PICALM: variants seen among roughly 807,000 people sequenced by gnomAD.
PICALM encodes phosphatidylinositol binding clathrin assembly protein, also known as phosphatidylinositol-binding clathrin assembly protein.
PICALM carries 40 observed loss-of-function variants against 80.5 expected under a neutral mutation model. That is an observed-to-expected ratio of 0.50 (90% CI 0.39 to 0.65). The LOEUF is 0.65. Among genes scored for constraint, PICALM ranks in the 30% least tolerant of loss-of-function variants. The pLI, the probability that PICALM is intolerant of heterozygous loss-of-function variation, is 0.00. For synonymous variants in PICALM, 288 were observed against 260.3 expected, an observed-to-expected ratio of 1.11 and a Z score of -1.02; for missense variants, 676 against 778.9, an observed-to-expected ratio of 0.87 and a Z score of 1.57.
chr11:86,017,648 C>T (rs1713382149), intron 4 of PICALM, among the ~76,000 whole-genome samples: 1 of 152,154 alleles, frequency 6.6e-6, no homozygotes, highest in South Asian at 2.1e-4. Flanking sequence ...AGTTTTGCCA[C>T]AGCATACTAG....
At chr11:85,983,102 T>C (rs772358787) in intron 14 of PICALM, among the ~76,000 whole-genome samples, 1 of 152,190 alleles carries the variant, frequency 6.6e-6, no homozygotes, top group Non-Finnish European at 1.5e-5. Flanking sequence ...TCCATACATA[T>C]TCTTTATAGG....
chr11:85,991,595 T>C (rs1320221361), intron 12 of PICALM, among the ~76,000 whole-genome samples: 3 of 151,678 alleles, frequency 2.0e-5, no homozygotes, highest in Admixed American at 6.6e-5. Flanking sequence ...AAACAACACA[T>C]CTTTTAAATA....
At chr11:85,988,287 T>A (rs1239769006) in intron 13 of PICALM, among the ~76,000 whole-genome samples, 1 of 152,138 alleles carries the variant, frequency 6.6e-6, no homozygotes, top group African/African-American at 2.4e-5. Flanking sequence ...TGGAGTAAAG[T>A]AAGAAGATGA....
chr11:85,986,669 C>T (rs868590347), intron 13 of PICALM, among the ~76,000 whole-genome samples: 1 of 152,094 alleles, frequency 6.6e-6, no homozygotes, highest in Non-Finnish European at 1.5e-5. Flanking sequence ...GGATTACAGG[C>T]GTGAGCCACC....
intron 1 of PICALM, among the ~76,000 whole-genome samples, chr11:86,047,149 C>A (rs2096086602): frequency 6.6e-6 from 1 of 152,168 alleles, no homozygotes; most frequent in South Asian, 2.1e-4. Flanking sequence ...GACACACATC[C>A]ACAACACACA....
intron 19 of PICALM, among the ~76,000 whole-genome samples, chr11:85,968,767 A>G (rs993160427): frequency 4.6e-5 from 7 of 152,162 alleles, no homozygotes; most frequent in African/African-American, 1.4e-4. Context: ...CACAGAAGAG[A>G]AACAAAAGGA....
At chr11:86,020,068 G>A (rs2095539631) in intron 4 of PICALM, among the ~76,000 whole-genome samples, 1 of 152,122 alleles carries the variant, frequency 6.6e-6, no homozygotes, top group South Asian at 2.1e-4. Flanking sequence ...CATATCAGGT[G>A]TTATCACTTA....
intron 19 of PICALM, among the ~76,000 whole-genome samples, chr11:85,971,610 C>G (rs1035766340): frequency 9.9e-5 from 15 of 151,994 alleles, no homozygotes; most frequent in Non-Finnish European, 1.5e-5. Context: ...GTGGCATACA[C>G]CAGTAATCTC....
intron 17 of PICALM, chr11:85,978,128 A>G (rs375351370): frequency 1.4e-4 from 218 of 1,572,682 alleles, no homozygotes; most frequent in South Asian, 1.9e-4. Flanking sequence ...ACATAATGCA[A>G]TAACACTGGA....
At chr11:85,991,257 A>G (rs1017962153) in intron 12 of PICALM, among the ~76,000 whole-genome samples, 1 of 152,166 alleles carries the variant, frequency 6.6e-6, no homozygotes, top group African/African-American at 2.4e-5. Context: ...AAAATAGTAT[A>G]ATTTTTTCTT....
upstream of PICALM, chr11:86,069,552 G>T (rs1211230542): frequency 1.3e-5 from 2 of 152,332 alleles, no homozygotes; most frequent in African/African-American, 4.8e-5. Context: ...GGGGTATTAG[G>T]CCTCTGGCTC....
intron 4 of PICALM, among the ~76,000 whole-genome samples, chr11:86,016,987 T>C (rs1996108): frequency 0.81 from 123,776 of 152,144 alleles, 50,536 homozygotes; most frequent in African/African-American, 0.88. Context: ...TTTGGGAGGC[T>C]GAGGGGCGAG....
chr11:86,032,123 G>A (rs2095761730), intron 1 of PICALM, among the ~76,000 whole-genome samples: 1 of 152,164 alleles, frequency 6.6e-6, no homozygotes. Context: ...ACAGGGCAGA[G>A]ATCTGGTCTG....
chr11:86,035,163 A>G (rs936527252), intron 1 of PICALM, among the ~76,000 whole-genome samples: 1 of 152,140 alleles, frequency 6.6e-6, no homozygotes, highest in Admixed American at 6.5e-5. Flanking sequence ...ATTTAGAACT[A>G]AGCAGTTACC....
At chr11:85,978,054 G>A (rs774398467) in intron 17 of PICALM, 13 of 1,609,178 alleles carry the variant, frequency 8.1e-6, no homozygotes, top group South Asian at 3.3e-5. Flanking sequence ...AAAAAGGCTC[G>A]TTTTTGGTCA....
chr11:85,961,479 T>C (rs2508690), intron 19 of PICALM, among the ~76,000 whole-genome samples: 65,496 of 152,038 alleles, frequency 0.43, 14,304 homozygotes, highest in East Asian at 0.6. Context: ...ATCTGTCCTA[T>C]TGTTTAATTC....
intron 1 of PICALM, among the ~76,000 whole-genome samples, chr11:86,046,435 A>G (rs2096072796): frequency 6.6e-6 from 1 of 152,360 alleles, no homozygotes; most frequent in South Asian, 2.1e-4. Flanking sequence ...GTAAGGTGAT[A>G]TATTTAGGGT....
intron 4 of PICALM, among the ~76,000 whole-genome samples, chr11:86,016,724 T>G (rs2095486089): frequency 6.6e-6 from 1 of 152,176 alleles, no homozygotes; most frequent in Admixed American, 6.6e-5. Context: ...AAATGAATAC[T>G]CAACATTGCC....
At position 86,026,353 on chromosome 11, in the gene PICALM, A is replaced by G. The variant is rs1191150065; in HGVS notation, c.288T>C (p.Tyr96=). 4 of 1,601,912 alleles carry G rather than the reference A, an allele frequency of 2.5e-6. No individual in the cohort carries two copies. The East Asian group carries it at 8.9e-5, about 36-fold the overall frequency. The part of the protein sequence containing the change: ...MVYGNERFIQ[Y]LASRNTLFNL... ...TAAACAACGTGTTTCTTGAAGCCAA[A>G]TACTGAATAAAACGCTGGAAAAAAA... Residue 96 remains tyrosine (Y), a synonymous_variant, in exon 3 of 20, where the codon TAT becomes TAC. Coordinates refer to ENST00000393346, the MANE Select transcript of PICALM (RefSeq NM_007166.4).
Sources: allele counts gnomAD v4.1 joint callset (sites outside exome capture counted in the v4.1 genomes callset), GRCh38; gene constraint gnomAD v4.1.1; transcripts MANE v1.5; gene names NCBI Gene and HGNC (gene_info 2026-07-23, HGNC 2026-07-21).